The following TSPEAR variants were observed in gnomAD, a reference collection of about 807,000 sequenced individuals.
The protein encoded by TSPEAR is thrombospondin type laminin G domain and EAR repeats, also known as thrombospondin-type laminin G domain and EAR repeat-containing protein.
In TSPEAR, 69 loss-of-function variants were observed where a neutral mutation model predicts 71.6. The ratio of observed to expected loss-of-function variants is 0.96; its 90% CI spans 0.79 to 1.18. The LOEUF (loss-of-function observed/expected upper bound fraction) is 1.18, where lower values mean the gene tolerates loss of function less well. Among genes scored for constraint, TSPEAR ranks in the 50% most tolerant of loss-of-function variants. The pLI, the probability that TSPEAR is intolerant of heterozygous loss-of-function variation, is 0.00. For missense variants in TSPEAR, 971 were observed against 894.9 expected, an observed-to-expected ratio of 1.09 and a Z score of -1.09; for synonymous variants, 402 against 387.2, an observed-to-expected ratio of 1.04 and a Z score of -0.45.
At chr21:44,630,411 G>A (rs192832364) in intron 1 of TSPEAR, among the ~76,000 whole-genome samples, 1 of 152,308 alleles carries the variant, frequency 6.6e-6, no homozygotes, top group East Asian at 1.9e-4. Flanking sequence ...GATATCAGTT[G>A]AGAAAACAAT....
intron 2 of TSPEAR, among the ~76,000 whole-genome samples, chr21:44,544,499 AG>A (rs1296929886): frequency 6.6e-6 from 1 of 152,236 alleles, no homozygotes; most frequent in Non-Finnish European, 1.5e-5. Flanking sequence ...AAATGAATCT[AG>A]GATTAAAAGC....
chr21:44,545,383 T>C (rs1555917655), intron 2 of TSPEAR, among the ~76,000 whole-genome samples: 1 of 151,174 alleles, frequency 6.6e-6, no homozygotes, highest in Non-Finnish European at 1.5e-5. Flanking sequence ...AGTAAAGAAA[T>C]AGAGGACTTG....
chr21:44,574,493 G>A, intron 1 of TSPEAR: 1 of 1,606,096 alleles, frequency 6.2e-7, no homozygotes, highest in Non-Finnish European at 8.5e-7. Context: ...TGTGCTCTGA[G>A]GATTCCTCTT....
chr21:44,582,203 C>T (rs17004680), intron 1 of TSPEAR, among the ~76,000 whole-genome samples: 4,489 of 152,306 alleles, frequency 0.029, 193 homozygotes, highest in African/African-American at 0.094. Flanking sequence ...TCAGCCACCG[C>T]GTGAGGGGTG....
intron 9 of TSPEAR, chr21:44,518,594 A>G (rs1223283239): frequency 8.6e-6 from 4 of 464,678 alleles, no homozygotes; most frequent in African/African-American, 4.0e-5. Flanking sequence ...TGCCTAGTTG[A>G]CGAGAAAGTC....
chr21:44,582,226 A>G (rs1979027275), intron 1 of TSPEAR, among the ~76,000 whole-genome samples: 1 of 152,216 alleles, frequency 6.6e-6, no homozygotes, highest in South Asian at 2.1e-4. Context: ...TCTGCAGCCC[A>G]TTTTGACAGT....
At chr21:44,511,967 G>A (rs2052395928) in intron 9 of TSPEAR, among the ~76,000 whole-genome samples, 1 of 151,828 alleles carries the variant, frequency 6.6e-6, no homozygotes, top group Non-Finnish European at 1.5e-5. Flanking sequence ...ACGGGCTGCT[G>A]CAGATGGGGG....
chr21:44,667,370 G>A (rs1356131225), intron 1 of TSPEAR, among the ~76,000 whole-genome samples: 1 of 152,192 alleles, frequency 6.6e-6, no homozygotes, highest in Admixed American at 6.5e-5. Flanking sequence ...AGAGCTTAGA[G>A]CTGGATGAGA....
chr21:44,649,469 C>T (rs587679825), intron 1 of TSPEAR, among the ~76,000 whole-genome samples: 1 of 152,308 alleles, frequency 6.6e-6, no homozygotes, highest in Non-Finnish European at 1.5e-5. Flanking sequence ...CCCCCGCTAC[C>T]CACGTGTGCC....
chr21:44,682,577 G>C (rs1250826757), intron 1 of TSPEAR, among the ~76,000 whole-genome samples: 1 of 152,232 alleles, frequency 6.6e-6, no homozygotes, highest in African/African-American at 2.4e-5. Context: ...GAACCTGCTG[G>C]AGTGAGTGAT....
intron 1 of TSPEAR, chr21:44,579,385 A>C: frequency 3.3e-6 from 1 of 306,094 alleles, no homozygotes; most frequent in Non-Finnish European, 6.1e-6. Flanking sequence ...CATTCATAGA[A>C]ACAGTCATGG....
chr21:44,586,369 C>G (rs1243264710), intron 1 of TSPEAR, among the ~76,000 whole-genome samples: 3 of 152,158 alleles, frequency 2.0e-5, no homozygotes, highest in Non-Finnish European at 4.4e-5. Context: ...TTTTCTATCA[C>G]TGTTCTGGTA....
chr21:44,535,903 A>C (rs1304653724), intron 2 of TSPEAR, among the ~76,000 whole-genome samples: 1 of 142,530 alleles, frequency 7.0e-6, no homozygotes, highest in Non-Finnish European at 1.5e-5. Flanking sequence ...TATCAAAAAA[A>C]AAAAAAGGAA....
chr21:44,577,458 C>T (rs587617846), intron 1 of TSPEAR, among the ~76,000 whole-genome samples: 97 of 152,202 alleles, frequency 6.4e-4, no homozygotes, highest in Middle Eastern at 6.8e-3. Context: ...GGAAGGTGGA[C>T]GGGGAGCAGG....
At chr21:44,603,715 C>G (rs144325206) in intron 1 of TSPEAR, among the ~76,000 whole-genome samples, 1 of 152,186 alleles carries the variant, frequency 6.6e-6, no homozygotes, top group Non-Finnish European at 1.5e-5. Context: ...CATTCTCAGC[C>G]GCACCACAGA....
intron 2 of TSPEAR, among the ~76,000 whole-genome samples, chr21:44,536,243 G>A (rs1345761735): frequency 4.6e-5 from 7 of 152,212 alleles, no homozygotes; most frequent in Admixed American, 1.3e-4. Context: ...GCTCCTGCCA[G>A]TGCTCCCTCG....
At chr21:44,573,622 G>T in intron 1 of TSPEAR, 1 of 1,432,956 alleles carries the variant, frequency 7.0e-7, no homozygotes, top group Non-Finnish European at 9.4e-7. Flanking sequence ...GGAAGGGAGG[G>T]CTTGCTGAGC....
intron 1 of TSPEAR, chr21:44,602,144 CCCTTCTAATAAACT>C (rs1258732142): frequency 3.6e-6 from 1 of 280,832 alleles, no homozygotes; most frequent in Non-Finnish European, 7.1e-6. Context: ...GCAGGTCAGA[CCCTTCTAATAAACT>C]CCTTTCCTAA....
intron 1 of TSPEAR, among the ~76,000 whole-genome samples, chr21:44,638,941 C>A (rs1292116291): frequency 6.6e-6 from 1 of 151,974 alleles, no homozygotes; most frequent in Non-Finnish European, 1.5e-5. Context: ...ATCCCTGCAG[C>A]CCTCATCTCC....
Sources: gnomAD v4.1 joint callset for allele counts (sites outside exome capture counted in the v4.1 genomes callset) on GRCh38, gnomAD v4.1.1 for gene constraint, MANE v1.5 for transcripts, NCBI Gene and HGNC (gene_info 2026-07-23, HGNC 2026-07-21) for gene names.